The following ILDR2 variants were observed in gnomAD, a reference collection of about 807,000 sequenced individuals.
ILDR2 encodes the protein immunoglobulin like domain containing receptor 2.
Under a neutral mutation model 66.8 loss-of-function variants are expected in ILDR2, and 25 were observed. That is an observed-to-expected ratio of 0.37 (90% CI 0.27 to 0.52). The LOEUF (loss-of-function observed/expected upper bound fraction) is 0.52, where lower values mean the gene tolerates loss of function less well. Among genes scored for constraint, ILDR2 ranks in the 20% least tolerant of loss-of-function variants. The pLI is 0.88. For missense variants in ILDR2, 827 were observed against 876.8 expected, an observed-to-expected ratio of 0.94 and a Z score of 0.72; for synonymous variants, 367 against 357.2, an observed-to-expected ratio of 1.03 and a Z score of -0.31.
At chr1:166,905,522 G>C (rs1228645902), downstream of ILDR2, among the ~76,000 whole-genome samples, 1 of 152,204 alleles carries the variant, frequency 6.6e-6, no homozygotes, top group Non-Finnish European at 1.5e-5. Context: ...CAGAGATTAA[G>C]TAGCTTTCTC....
rs1571093901 is a variant in ILDR2, at chr1:166,918,093, A to G, written c.*1262T>C. ...GAAAGAGTTCGTGGCCATTTTTGCT[A>G]TCTACACAAACGATAAAATCCAGAG... On this transcript the variant is annotated 3_prime_UTR_variant, in exon 10 of 10. Coordinates refer to ENST00000271417, the MANE Select transcript of ILDR2 (RefSeq NM_199351.3). The G allele has an allele frequency of 6.6e-6, 1 of 152,332 alleles. No individual in the cohort carries two copies. Among genetic ancestry groups the G allele is most frequent in the East Asian group, 1.9e-4 (1 of 5,190 alleles). The allele number at this position is 152,332 out of a possible 1,614,324, so 9.4% of individuals were successfully genotyped here. A position where few individuals can be genotyped will look rare whatever the true frequency, so the allele number is the denominator to read the frequency against.
At position 166,926,383 on chromosome 1, in the gene ILDR2, G is replaced by A. The variant is rs144258686; in HGVS notation, c.994+684C>T. Among the ~76,000 whole-genome samples, 239 of 152,112 alleles carry A rather than the reference G, an allele frequency of 1.6e-3. 1 individual carries two copies. The highest frequency in any genetic ancestry group is 5.4e-3 in the African/African-American group (224 of 41,510). On this transcript the variant is annotated intron_variant, in intron 7 of 9. Coordinates refer to ENST00000271417, the MANE Select transcript of ILDR2 (RefSeq NM_199351.3). ...GGGGGTGAGTTAAGGGTTGGGGCCC[G>A]GCCACCTCAGACTTAGTATTCAAAA... is the stretch of plus-strand genomic sequence containing the variant.
chr1:166,906,432 A>G (rs1458512053), downstream of ILDR2, among the ~76,000 whole-genome samples: 2 of 152,170 alleles, frequency 1.3e-5, no homozygotes, highest in African/African-American at 2.4e-5. Flanking sequence ...TGTATGTAAG[A>G]AAGTGCTCAG....
At chr1:166,902,083 C>T (rs1428112615) in intron 2 of ILDR2, among the ~76,000 whole-genome samples, 1 of 152,260 alleles carries the variant, frequency 6.6e-6, no homozygotes, top group Non-Finnish European at 1.5e-5. Flanking sequence ...CGGTCTCAAA[C>T]TCCCGACCTC....
chr1:166,898,067 T>C (rs1455634857), intron 2 of ILDR2, among the ~76,000 whole-genome samples: 3 of 152,084 alleles, frequency 2.0e-5, no homozygotes, highest in African/African-American at 7.2e-5. Flanking sequence ...CACTGCACAA[T>C]GAAAGAAAAC....
chr1:166,963,404 A>T (rs1662742085), intron 1 of ILDR2, among the ~76,000 whole-genome samples: 1 of 152,188 alleles, frequency 6.6e-6, no homozygotes, highest in Admixed American at 6.5e-5. Flanking sequence ...GTATGTATGT[A>T]TGTATCTTGC....
Position 166,959,359 on chromosome 1 carries a change from G to C in ILDR2, c.47-1258C>G, listed in dbSNP as rs530107751. Among the ~76,000 whole-genome samples, 6 of 152,316 alleles carry C rather than the reference G, an allele frequency of 3.9e-5. No homozygotes were observed. The East Asian group carries it at 9.6e-4, about 24-fold the overall frequency. ...GAAGGTATCTTCCCTTGCTGCCCTG[G>C]CTTGTGAAGCCCATAGGTACTCAAC... is the stretch of plus-strand genomic sequence containing the variant. On this transcript the variant is annotated intron_variant, in intron 1 of 9. Coordinates refer to ENST00000271417, the MANE Select transcript of ILDR2 (RefSeq NM_199351.3).
At chr1:166,904,953 A>G (rs1659316040), downstream of ILDR2, among the ~76,000 whole-genome samples, 1 of 152,230 alleles carries the variant, frequency 6.6e-6, no homozygotes, top group Admixed American at 6.5e-5. Context: ...AAAAACTGCA[A>G]AAGAAAAAAT....
chr1:166,961,587 G>A (rs775881436), intron 1 of ILDR2, among the ~76,000 whole-genome samples: 19 of 152,274 alleles, frequency 1.2e-4, no homozygotes, highest in South Asian at 4.1e-4. Flanking sequence ...CAGTTTCCTC[G>A]CTGGCAAAAC....
At chr1:166,960,476 C>T (rs1179620858) in intron 1 of ILDR2, among the ~76,000 whole-genome samples, 2 of 152,146 alleles carry the variant, frequency 1.3e-5, no homozygotes, top group Non-Finnish European at 2.9e-5. Flanking sequence ...ATTTTCCTCA[C>T]CTATAGAATG....
At chr1:166,945,014 T>C (rs1190834262) in intron 3 of ILDR2, among the ~76,000 whole-genome samples, 2 of 152,202 alleles carry the variant, frequency 1.3e-5, no homozygotes, top group Non-Finnish European at 2.9e-5. Flanking sequence ...GCAAATCCCC[T>C]TGTTCAATAT....
chr1:166,931,040 C>A (rs183415905), intron 6 of ILDR2, among the ~76,000 whole-genome samples: 2 of 152,340 alleles, frequency 1.3e-5, no homozygotes, highest in East Asian at 3.9e-4. Context: ...TGGCCCAAGT[C>A]ATTTGGCTGC....
intron 8 of ILDR2, among the ~76,000 whole-genome samples, 176 bp downstream of exon 8, chr1:166,922,417 T>C (rs1660005267): frequency 6.6e-6 from 1 of 152,172 alleles, no homozygotes; most frequent in South Asian, 2.1e-4. Flanking sequence ...TCACAAGTGT[T>C]CCCTGTCTTG....
At chr1:166,906,393 A>C (rs1659350671), downstream of ILDR2, among the ~76,000 whole-genome samples, 1 of 152,222 alleles carries the variant, frequency 6.6e-6, no homozygotes. Flanking sequence ...GCTTCCTAAA[A>C]GATGCAACAT....
downstream of ILDR2, among the ~76,000 whole-genome samples, chr1:166,907,632 C>G (rs1280608688): frequency 6.6e-6 from 1 of 152,164 alleles, no homozygotes; most frequent in Admixed American, 6.5e-5. Flanking sequence ...AGTTTAGTAT[C>G]ATGGGTAATC....
chr1:166,921,214 G>A lies in ILDR2; in HGVS notation c.1377C>T (p.Arg459=), dbSNP rs2101853066. The A allele has an allele frequency of 1.9e-6, 3 of 1,590,006 alleles. No individual in the cohort carries two copies. The highest frequency in any genetic ancestry group is 2.2e-5 in the South Asian group (2 of 89,366). ...AGCCGCTGTGCGCCCGCGACTCCGA[G>A]CGCTCGAAGCGGCTCCCGCCCCGCG... ...HEARGGSRFE[R]SESRAHSGFY... The change falls in exon 9 of 10, where the codon CGC becomes CGT. Residue 459 remains arginine (R), a synonymous_variant. Coordinates refer to ENST00000271417, the MANE Select transcript of ILDR2 (RefSeq NM_199351.3). This position sits in a 1 kb window ranked among gnomAD's most constrained non-coding sequence, Gnocchi z 5.3.
chr1:166,926,585 G>A (rs540579551), intron 7 of ILDR2, among the ~76,000 whole-genome samples: 2 of 151,736 alleles, frequency 1.3e-5, no homozygotes, highest in South Asian at 2.1e-4. Flanking sequence ...CACCCTTCAC[G>A]TTGGAAAAAA....
intron 7 of ILDR2, among the ~76,000 whole-genome samples, chr1:166,925,546 G>C (rs1571115283): frequency 6.6e-6 from 1 of 152,210 alleles, no homozygotes; most frequent in Non-Finnish European, 1.5e-5. Flanking sequence ...ACAGAATGGA[G>C]CCATGGAGCC....
intron 1 of ILDR2, among the ~76,000 whole-genome samples, chr1:166,958,740 T>A (rs966270550): frequency 6.6e-6 from 1 of 152,228 alleles, no homozygotes; most frequent in African/African-American, 2.4e-5. Context: ...ACCCCATTAC[T>A]ATTGCCTTTC....
Sources: allele counts gnomAD v4.1 joint callset (sites outside exome capture counted in the v4.1 genomes callset), GRCh38; gene constraint gnomAD v4.1.1; non-coding constraint Gnocchi (gnomAD v3.1); transcripts MANE v1.5; gene names NCBI Gene and HGNC (gene_info 2026-07-23, HGNC 2026-07-21).